PRTG: variants seen among roughly 807,000 people sequenced by gnomAD.
The protein encoded by PRTG is protogenin, also known as immunoglobulin superfamily, DCC subclass, member 5.
PRTG carries 67 observed loss-of-function variants against 122.5 expected under a neutral mutation model. The observed-to-expected ratio is 0.55, with a 90% confidence interval of 0.45 to 0.67. The LOEUF (loss-of-function observed/expected upper bound fraction) is 0.67, where lower values mean the gene tolerates loss of function less well. Ranked by LOEUF, PRTG falls within the 30% of genes least tolerant of loss-of-function variation. The probability of loss-of-function intolerance (pLI) is 0.00; values close to 1 mark genes in which losing one functional copy is unlikely to be tolerated. For missense variants in PRTG, 1,435 were observed against 1,415.4 expected, an observed-to-expected ratio of 1.01 and a Z score of -0.22; for synonymous variants, 554 against 501.1, an observed-to-expected ratio of 1.11 and a Z score of -1.41.
At chr15:55,623,338 C>A (rs1478873594) in intron 18 of PRTG, among the ~76,000 whole-genome samples, 1 of 152,098 alleles carries the variant, frequency 6.6e-6, no homozygotes, top group South Asian at 2.1e-4. Context: ...GAGGCCAAGG[C>A]GGGCAGATCA....
At chr15:55,659,495 T>C (rs530917753) in intron 11 of PRTG, among the ~76,000 whole-genome samples, 3 of 152,154 alleles carry the variant, frequency 2.0e-5, no homozygotes, top group African/African-American at 7.2e-5. Flanking sequence ...CAAACTATAG[T>C]GTCCACTATT....
chr15:55,699,614 A>G (rs2141838951), intron 2 of PRTG, among the ~76,000 whole-genome samples: 1 of 152,334 alleles, frequency 6.6e-6, no homozygotes, highest in Non-Finnish European at 1.5e-5. Flanking sequence ...TCTAGCACAT[A>G]AGGAGGTAAT....
chr15:55,742,878 G>T lies in PRTG; in HGVS notation c.54C>A (p.Leu18=). Residue 18 remains leucine, a synonymous_variant, in exon 1 of 20, where the codon CTC becomes CTA. Coordinates refer to ENST00000389286, the MANE Select transcript of PRTG (RefSeq NM_173814.6). ...LARLRPPGML[L]RALLLLLLLS... ...GCAGCAGCAGGAGCAGGAGCGCGCG[G>T]AGCAGCATCCCCGGCGGTCGCAGCC... 1 of 1,535,054 alleles carries T rather than the reference G, an allele frequency of 6.5e-7. No individual in the cohort carries two copies. The highest frequency in any genetic ancestry group is 8.8e-7 in the Non-Finnish European group (1 of 1,139,926).
intron 11 of PRTG, among the ~76,000 whole-genome samples, chr15:55,647,929 C>A (rs531789064): frequency 6.6e-6 from 1 of 152,136 alleles, no homozygotes; most frequent in African/African-American, 2.4e-5. Context: ...TGTTGGCTTG[C>A]GTATACTATT....
intron 11 of PRTG, among the ~76,000 whole-genome samples, chr15:55,669,923 G>C (rs376198249): frequency 1.3e-5 from 2 of 152,262 alleles, no homozygotes; most frequent in East Asian, 3.9e-4. Context: ...TCCAGTTTAT[G>C]CATTAGAAGT....
intron 6 of PRTG, 22 bp downstream of exon 6, chr15:55,680,032 T>C (rs1767706985): frequency 6.3e-7 from 1 of 1,594,766 alleles, no homozygotes. Context: ...ATTCCCCTGA[T>C]TGCAGAATGA....
At chr15:55,633,651 CATA>C (rs2059240189) in intron 15 of PRTG, among the ~76,000 whole-genome samples, 2 of 152,088 alleles carry the variant, frequency 1.3e-5, no homozygotes, top group Non-Finnish European at 2.9e-5. Context: ...CAAAAGCTGC[CATA>C]ATTATACATA....
In PRTG at chr15:55,708,148, T is replaced by TAAAA. The variant is rs35216342; in HGVS notation, c.398-24221_398-24218dup. Among the ~76,000 whole-genome samples, 97 of 70,028 alleles carry TAAAA rather than the reference T, an allele frequency of 1.4e-3. 19 individuals carry two copies. Among genetic ancestry groups the TAAAA allele is most frequent in the African/African-American group, 2.2e-3 (35 of 16,016 alleles). 45.9% of individuals were successfully genotyped at this position (70,028 alleles called of 152,430 possible). On this transcript the variant is annotated intron_variant, in intron 2 of 19. Coordinates refer to ENST00000389286, the MANE Select transcript of PRTG (RefSeq NM_173814.6). Reference sequence around the variant, plus strand: ...CCTGTGGAAAGGAGGAGTAAGCTGGTAAAAAAAAAAAAAAAAAAAAAAAAA... The same window carrying TAAAA: ...CCTGTGGAAAGGAGGAGTAAGCTGGTAAAAAAAAAAAAAAAAAAAAAAAAAAAAA...
chr15:55,714,205 GTCTCTC>G (rs3049129), intron 2 of PRTG, among the ~76,000 whole-genome samples: 5,463 of 142,760 alleles, frequency 0.038, 181 homozygotes, highest in African/African-American at 0.086. Context: ...CTATTTATCT[GTCTCTC>G]TCTCTCTCTC....
At position 55,728,123 on chromosome 15, in the gene PRTG, C is replaced by T. The variant is rs763472275; in HGVS notation, c.397+12259G>A. On this transcript the variant is annotated intron_variant, in intron 2 of 19. Transcript: ENST00000389286. Reference sequence around the variant, plus strand: ...TCAGGCAATCCGCCCACCTCGGCCTCCCAAAGTGCTAGAATTACAGGCATG... The same window carrying T: ...TCAGGCAATCCGCCCACCTCGGCCTTCCAAAGTGCTAGAATTACAGGCATG... 6.3e-4 allele frequency among the ~76,000 whole-genome samples: 96 copies of T among 152,206 alleles called. 1 individual carries two copies. Among genetic ancestry groups the T allele is most frequent in the Admixed American group, 7.9e-4 (12 of 15,286 alleles).
At position 55,665,931 on chromosome 15, in the gene PRTG, T is replaced by C. The variant is rs550984887; in HGVS notation, c.2041+6514A>G. Among the ~76,000 whole-genome samples the C allele has an allele frequency of 7.2e-5, 11 of 152,348 alleles. No individual in the cohort carries two copies. In the South Asian group the frequency reaches 1.9e-3, roughly 26 times the overall value. On this transcript the variant is annotated intron_variant, in intron 11 of 19. Coordinates refer to ENST00000389286, the MANE Select transcript of PRTG (RefSeq NM_173814.6). ...ATTATATGAAATTCATACTTCAGTG[T>C]CCACAAATGAAGTTTTATTGGAGCA...
At chr15:55,656,790 G>A (rs1469548756) in intron 11 of PRTG, among the ~76,000 whole-genome samples, 1 of 152,204 alleles carries the variant, frequency 6.6e-6, no homozygotes, top group African/African-American at 2.4e-5. Context: ...TTACAGGCAT[G>A]AGCCTGGCCA....
chr15:55,686,782 G>A (rs1182669592), intron 2 of PRTG, among the ~76,000 whole-genome samples: 1 of 152,094 alleles, frequency 6.6e-6, no homozygotes, highest in African/African-American at 2.4e-5. Context: ...AATACACCAT[G>A]GTATTTCACA....
chr15:55,730,954 G>A (rs2031210293), intron 2 of PRTG, among the ~76,000 whole-genome samples: 1 of 152,154 alleles, frequency 6.6e-6, no homozygotes, highest in Non-Finnish European at 1.5e-5. Flanking sequence ...CTTTACTTAA[G>A]GAAGAGGAAG....
rs532005140 is a variant in PRTG at position 55,693,748 on chromosome 15, A to G, written c.398-9817T>C. On this transcript the variant is annotated intron_variant, in intron 2 of 19. Coordinates refer to ENST00000389286, the MANE Select transcript of PRTG (RefSeq NM_173814.6). ...TAAGCACATTGTAAGAATAACATTAAATTATATATACATATACATATGTGT... is the reference window on the plus strand; with the variant it reads ...TAAGCACATTGTAAGAATAACATTAGATTATATATACATATACATATGTGT... Among the ~76,000 whole-genome samples, 40 of 152,308 alleles carry G rather than the reference A, an allele frequency of 2.6e-4. No individual in the cohort carries two copies. In the South Asian group the frequency reaches 3.5e-3, roughly 13 times the overall value.
In PRTG at chr15:55,624,458, G is replaced by C. The variant is rs141129581; in HGVS notation, c.2977C>G (p.Arg993Gly). 6.2e-7 allele frequency: 1 copy of C among 1,613,950 alleles called. No individual in the cohort carries two copies. The highest frequency in any genetic ancestry group is 1.1e-5 in the South Asian group (1 of 91,060). The stretch of plus-strand genomic sequence containing the variant: ...CCACTAGCTAAGGAGGCACTGGTAC[G>C]AGGTAACTGTTGAGTTCCATTCTGT... ...TAQNGTQQLP[R>G]TSASLASGNE... The change falls in exon 18 of 20, where the codon CGT (arginine) becomes GGT (glycine). Residue 993 changes from arginine to glycine, a missense_variant. Coordinates refer to ENST00000389286, the MANE Select transcript of PRTG (RefSeq NM_173814.6).
Position 55,614,120 on chromosome 15 carries a change from G to C in PRTG, c.*5892C>G, listed in dbSNP as rs1424666727. 6.6e-6 allele frequency: 1 copy of C among 152,014 alleles called. No individual in the cohort carries two copies. The highest frequency in any genetic ancestry group is 2.4e-5 in the African/African-American group (1 of 41,386). The allele number at this position is 152,014 out of a possible 1,614,324, so 9.4% of individuals were successfully genotyped here. On this transcript the variant is annotated 3_prime_UTR_variant, in exon 20 of 20. Coordinates refer to ENST00000389286, the MANE Select transcript of PRTG (RefSeq NM_173814.6). ...AGACAGCTTTATCGATTTAGTTGAA[G>C]AAATGCTGAAAATTGGGGTGGAATT...
rs565642747 is a variant in PRTG, at chr15:55,612,482, C to A, written c.*7530G>T. On this transcript the variant is annotated 3_prime_UTR_variant, in exon 20 of 20. Coordinates refer to ENST00000389286, the MANE Select transcript of PRTG (RefSeq NM_173814.6). ...AAGCCAATCATATAATTCTTCCCAA[C>A]AAACCCTACATATGAACTCGAATAA... 1 of 151,744 alleles carries A rather than the reference C, an allele frequency of 6.6e-6. No homozygotes were observed. The highest frequency in any genetic ancestry group is 1.5e-5 in the Non-Finnish European group (1 of 67,866). 9.4% of individuals were successfully genotyped at this position (151,744 alleles called of 1,614,324 possible).
intron 2 of PRTG, chr15:55,738,551 C>CA: frequency 5.7e-6 from 4 of 699,578 alleles, no homozygotes; most frequent in Non-Finnish European, 1.0e-5. Flanking sequence ...CAGGATTCTA[C>CA]AAACTCTAAA....
Sources: allele counts gnomAD v4.1 joint callset (sites outside exome capture counted in the v4.1 genomes callset), GRCh38; gene constraint gnomAD v4.1.1; transcripts MANE v1.5; gene names NCBI Gene and HGNC (gene_info 2026-07-23, HGNC 2026-07-21).